The following ZNF804B variants were observed in gnomAD, a reference collection of about 807,000 sequenced individuals.
ZNF804B encodes zinc finger 804B.
A neutral mutation model predicts 101.4 loss-of-function variants in ZNF804B; 80 were observed. That is an observed-to-expected ratio of 0.79 (90% CI 0.66 to 0.95). The LOEUF is 0.95. Among genes scored for constraint, ZNF804B ranks in the 40% least tolerant of loss-of-function variants. The pLI, the probability that ZNF804B is intolerant of heterozygous loss-of-function variation, is 0.00. For missense variants in ZNF804B, 1,673 were observed against 1,561.9 expected, an observed-to-expected ratio of 1.07 and a Z score of -1.20; for synonymous variants, 622 against 558.8, an observed-to-expected ratio of 1.11 and a Z score of -1.59.
chr7:89,005,137 C>G (rs1446838854), intron 1 of ZNF804B, among the ~76,000 whole-genome samples: 4 of 151,984 alleles, frequency 2.6e-5, no homozygotes. Context: ...AAAAACTCAT[C>G]ACAAAACTGT....
chr7:89,027,840 T>C (rs1388596233), intron 1 of ZNF804B, among the ~76,000 whole-genome samples: 1 of 152,200 alleles, frequency 6.6e-6, no homozygotes, highest in Admixed American at 6.6e-5. Context: ...CCAAGAGCTC[T>C]TATATTACTT....
At chr7:88,871,406 A>C (rs984419117) in intron 1 of ZNF804B, among the ~76,000 whole-genome samples, 3 of 152,114 alleles carry the variant, frequency 2.0e-5, no homozygotes, top group African/African-American at 7.2e-5. Flanking sequence ...CAGTAAAAAA[A>C]AAGGCACTAC....
At chr7:89,211,097 T>C (rs1316575610) in intron 1 of ZNF804B, among the ~76,000 whole-genome samples, 1 of 152,238 alleles carries the variant, frequency 6.6e-6, no homozygotes, top group African/African-American at 2.4e-5. Flanking sequence ...TGATCAGTGA[T>C]GTTGAGCTTT....
At position 89,063,962 on chromosome 7, in the gene ZNF804B, A is replaced by G. The variant is rs190914477; in HGVS notation, c.109-154193A>G. 7.2e-4 allele frequency among the ~76,000 whole-genome samples: 110 copies of G among 152,278 alleles called. 1 individual carries two copies. The highest frequency in any genetic ancestry group is 2.5e-3 in the African/African-American group (102 of 41,564). ...GTGTGTTACTCTCAATAAACTATCAACTAAGATTTATTGGGTAGTTTAGAG... is the reference window on the plus strand; with the variant it reads ...GTGTGTTACTCTCAATAAACTATCAGCTAAGATTTATTGGGTAGTTTAGAG... On this transcript the variant is annotated intron_variant, in intron 1 of 3. Transcript: ENST00000333190.
chr7:89,332,662 AACCTTTTGAG>A (rs1459826769), intron 3 of ZNF804B, among the ~76,000 whole-genome samples: 42 of 152,074 alleles, frequency 2.8e-4, no homozygotes, highest in African/African-American at 9.6e-4. Context: ...TAGAACAAAT[AACCTTTTGAG>A]ACCTTTAAAA....
intron 1 of ZNF804B, among the ~76,000 whole-genome samples, chr7:88,901,126 C>T (rs1419757220): frequency 6.6e-6 from 1 of 151,474 alleles, no homozygotes; most frequent in African/African-American, 2.4e-5. Flanking sequence ...TTTTATTCAA[C>T]AGAAAAAAAG....
intron 1 of ZNF804B, chr7:88,794,276 A>T (rs1423835379): frequency 6.2e-7 from 1 of 1,613,808 alleles, no homozygotes; most frequent in Admixed American, 1.7e-5. Context: ...GGGTCCATGA[A>T]TTCTTCGGAT....
intron 1 of ZNF804B, among the ~76,000 whole-genome samples, chr7:89,156,135 T>C (rs2040680): frequency 0.96 from 141,750 of 147,794 alleles, 68,005 homozygotes; most frequent in East Asian, 1. Flanking sequence ...CCTTCTTTCA[T>C]GGAGTTTCAC....
At chr7:89,014,693 T>A (rs964488761) in intron 1 of ZNF804B, among the ~76,000 whole-genome samples, 1 of 152,238 alleles carries the variant, frequency 6.6e-6, no homozygotes, top group African/African-American at 2.4e-5. Flanking sequence ...TTGCCCATTT[T>A]AAAATCAAAT....
At chr7:88,959,542 G>A (rs1401543536) in intron 1 of ZNF804B, among the ~76,000 whole-genome samples, 1 of 151,074 alleles carries the variant, frequency 6.6e-6, no homozygotes. Flanking sequence ...CTACTTTCTT[G>A]AGAATATCTG....
intron 1 of ZNF804B, among the ~76,000 whole-genome samples, chr7:89,101,480 A>G (rs1790054715): frequency 1.3e-5 from 2 of 152,002 alleles, no homozygotes; most frequent in Non-Finnish European, 2.9e-5. Flanking sequence ...ATGGTAATAA[A>G]ATATATTAAT....
At chr7:89,089,322 G>A (rs1454777777) in intron 1 of ZNF804B, among the ~76,000 whole-genome samples, 1 of 151,738 alleles carries the variant, frequency 6.6e-6, no homozygotes, top group Non-Finnish European at 1.5e-5. Context: ...ACCTAAAAAT[G>A]TGCTGTGCTC....
intron 1 of ZNF804B, among the ~76,000 whole-genome samples, chr7:88,787,086 G>A (rs1790313780): frequency 6.6e-6 from 1 of 152,072 alleles, no homozygotes; most frequent in Non-Finnish European, 1.5e-5. Flanking sequence ...GCTAAGAGAA[G>A]TGAGGAAGGG....
At chr7:88,956,477 TA>T (rs1284903225) in intron 1 of ZNF804B, among the ~76,000 whole-genome samples, 4 of 151,634 alleles carry the variant, frequency 2.6e-5, no homozygotes, top group African/African-American at 9.6e-5. Context: ...ATTAATAACA[TA>T]GCAATAATAA....
intron 1 of ZNF804B, among the ~76,000 whole-genome samples, chr7:89,199,508 A>T (rs1788600560): frequency 6.6e-6 from 1 of 151,986 alleles, no homozygotes; most frequent in South Asian, 2.1e-4. Context: ...CTAAGTATTT[A>T]CTTGAATTGT....
chr7:89,230,401 T>C (rs1483755352), intron 2 of ZNF804B, among the ~76,000 whole-genome samples: 1 of 152,006 alleles, frequency 6.6e-6, no homozygotes, highest in Non-Finnish European at 1.5e-5. Context: ...TGATGAAATG[T>C]TAATTTCTTA....
At chr7:89,200,746 A>G (rs1426597641) in intron 1 of ZNF804B, among the ~76,000 whole-genome samples, 1 of 152,022 alleles carries the variant, frequency 6.6e-6, no homozygotes, top group Non-Finnish European at 1.5e-5. Flanking sequence ...CACCGCCAAC[A>G]TATGATTTTT....
chr7:88,970,579 G>A (rs929679248), intron 1 of ZNF804B, among the ~76,000 whole-genome samples: 12 of 151,046 alleles, frequency 7.9e-5, no homozygotes, highest in African/African-American at 2.4e-4. Context: ...TACCTATGTC[G>A]TTAAGAAAAT....
intron 1 of ZNF804B, among the ~76,000 whole-genome samples, chr7:89,140,951 A>G (rs1790707816): frequency 6.8e-6 from 1 of 147,854 alleles, no homozygotes; most frequent in Non-Finnish European, 1.5e-5. Context: ...GCTTTTGATT[A>G]AAAATGAGAG....
Sources: allele counts gnomAD v4.1 joint callset (sites outside exome capture counted in the v4.1 genomes callset), GRCh38; gene constraint gnomAD v4.1.1; transcripts MANE v1.5; gene names NCBI Gene and HGNC (gene_info 2026-07-23, HGNC 2026-07-21).